Variants in ZNF431 observed in about 807,000 individuals in gnomAD.
ZNF431 encodes the protein zinc finger protein 431.
Under a neutral mutation model 57.0 loss-of-function variants are expected in ZNF431, and 34 were observed. The ratio of observed to expected loss-of-function variants is 0.60; its 90% CI spans 0.45 to 0.79. The LOEUF (loss-of-function observed/expected upper bound fraction) is 0.79. ZNF431 is among the 30% of genes least tolerant of loss of function. ZNF431 has a pLI of 0.00. For synonymous variants in ZNF431, 207 were observed against 220.3 expected, an observed-to-expected ratio of 0.94 and a Z score of 0.54; for missense variants, 607 against 667.1, an observed-to-expected ratio of 0.91 and a Z score of 0.99.
chr19:21,168,991 A>G (rs1449442011), intron 4 of ZNF431, among the ~76,000 whole-genome samples: 1 of 152,062 alleles, frequency 6.6e-6, no homozygotes, highest in African/African-American at 2.4e-5. Flanking sequence ...AGCTCACTGC[A>G]ACCTCTGCAT....
chr19:21,159,120 A>G (rs1391235729), intron 2 of ZNF431, among the ~76,000 whole-genome samples: 1 of 152,094 alleles, frequency 6.6e-6, no homozygotes, highest in Non-Finnish European at 1.5e-5. Flanking sequence ...AATAATATTC[A>G]TTAATTGTTG....
At chr19:21,149,545 C>A in intron 2 of ZNF431, 1 of 207,836 alleles carries the variant, frequency 4.8e-6, no homozygotes, top group East Asian at 1.2e-4. Flanking sequence ...ACAGAAGATT[C>A]AGTAGTTGTA....
chr19:21,152,942 A>G (rs150666698), intron 2 of ZNF431, among the ~76,000 whole-genome samples: 93 of 152,354 alleles, frequency 6.1e-4, no homozygotes, highest in African/African-American at 2.2e-3. Context: ...CCGTAAAGTG[A>G]TAGCAAGTTA....
chr19:21,153,340 G>A (rs1472432271), intron 2 of ZNF431, among the ~76,000 whole-genome samples: 5 of 152,114 alleles, frequency 3.3e-5, no homozygotes, highest in African/African-American at 1.2e-4. Flanking sequence ...GGGTCTCAGC[G>A]TTATTTTTAC....
chr19:21,145,508 G>A (rs1464712350), intron 2 of ZNF431, among the ~76,000 whole-genome samples: 1 of 152,040 alleles, frequency 6.6e-6, no homozygotes, highest in African/African-American at 2.4e-5. Flanking sequence ...TAAAAGCCCA[G>A]CTAGTTTTTT....
chr19:21,143,446 G>C, intron 1 of ZNF431, 105 bp from the exon 2 acceptor site: 1 of 886,192 alleles, frequency 1.1e-6, no homozygotes, highest in Non-Finnish European at 1.8e-6. Flanking sequence ...TTTTTTTCTG[G>C]TCGTGGGTTT....
rs111238090 is a variant in ZNF431, at chr19:21,145,591, G to A, written c.96+1948G>A. On this transcript the variant is annotated intron_variant, in intron 2 of 4. Coordinates refer to ENST00000311048, the MANE Select transcript of ZNF431 (RefSeq NM_133473.4). ...TGGAAGAAGCCTTTCTGCTGACACA[G>A]CCCTGGAAAGCTGGGGACCCACAGG... Among the ~76,000 whole-genome samples the A allele has an allele frequency of 8.4e-3, 1,278 of 152,244 alleles. 22 individuals carry two copies. The highest frequency in any genetic ancestry group is 0.048 in the South Asian group (229 of 4,816).
At chr19:21,150,031 T>C (rs1970225396) in intron 2 of ZNF431, 1 of 593,806 alleles carries the variant, frequency 1.7e-6, no homozygotes, top group South Asian at 1.7e-5. Context: ...TGTTAATTCC[T>C]GCTCGAAGGA....
At chr19:21,176,699 A>AT (rs1326733303) in intron 4 of ZNF431, among the ~76,000 whole-genome samples, 1 of 151,578 alleles carries the variant, frequency 6.6e-6, no homozygotes, top group Non-Finnish European at 1.5e-5. Context: ...ATTTTATTTT[A>AT]TTTATTTATT....
intron 2 of ZNF431, among the ~76,000 whole-genome samples, chr19:21,151,911 A>G (rs1001642290): frequency 6.6e-6 from 1 of 152,302 alleles, no homozygotes; most frequent in African/African-American, 2.4e-5. Flanking sequence ...GAGAGGCTAG[A>G]AGTCTCGTCA....
In ZNF431 at chr19:21,187,291, A is replaced by AT. The variant is rs1218395401; in HGVS notation, c.*3258dup. The AT allele has an allele frequency of 6.6e-6, 1 of 152,046 alleles. No homozygotes were observed. Among genetic ancestry groups the AT allele is most frequent in the African/African-American group, 2.4e-5 (1 of 41,378 alleles). 9.4% of individuals were successfully genotyped at this position (152,046 alleles called of 1,614,324 possible). A position where few individuals can be genotyped will look rare whatever the true frequency, so the allele number is the denominator to read the frequency against. ...CCCAGTCTCTACTAAAACTACAAAA[A>AT]TAGCCAGGCATGGTGGTGGGTGCCT... On this transcript the variant is annotated 3_prime_UTR_variant, in exon 5 of 5. Coordinates refer to ENST00000311048, the MANE Select transcript of ZNF431 (RefSeq NM_133473.4).
rs960948555 is a variant in ZNF431, at chr19:21,188,097, A to G, written c.*4063A>G. On this transcript the variant is annotated 3_prime_UTR_variant, in exon 5 of 5. Transcript: ENST00000311048. The stretch of plus-strand genomic sequence containing the variant: ...AACATGGTGAAACCCTGTGTCTACT[A>G]AAAATACAAATTTAGCCACGCGTGG... 1 of 151,990 alleles carries G rather than the reference A, an allele frequency of 6.6e-6. No homozygotes were observed. Among genetic ancestry groups the G allele is most frequent in the Non-Finnish European group, 1.5e-5 (1 of 68,046 alleles). 9.4% of individuals were successfully genotyped at this position (151,990 alleles called of 1,614,324 possible).
At chr19:21,154,055 T>G (rs1162405262) in intron 2 of ZNF431, among the ~76,000 whole-genome samples, 1 of 152,152 alleles carries the variant, frequency 6.6e-6, no homozygotes, top group Non-Finnish European at 1.5e-5. Context: ...TTAAGTTTTA[T>G]GGTACATGTG....
rs1404493090 is a variant in ZNF431 at position 21,194,935 on chromosome 19, A to T, written c.*10901A>T. ...TATGCAAGGGTGAGAAAGCAGAGTTATCAGGGAGGTGGGACTATTGCTTTA... is the reference window on the plus strand; with the variant it reads ...TATGCAAGGGTGAGAAAGCAGAGTTTTCAGGGAGGTGGGACTATTGCTTTA... On this transcript the variant is annotated 3_prime_UTR_variant, in exon 5 of 5. Transcript: ENST00000311048. The T allele has an allele frequency of 6.6e-6, 1 of 152,242 alleles. No individual in the cohort carries two copies. The highest frequency in any genetic ancestry group is 2.4e-5 in the African/African-American group (1 of 41,456). The allele number at this position is 152,242 out of a possible 1,614,324, so 9.4% of individuals were successfully genotyped here. A position where few individuals can be genotyped will look rare whatever the true frequency, so the allele number is the denominator to read the frequency against.
intron 2 of ZNF431, chr19:21,162,633 A>G (rs1970608043): frequency 1.3e-6 from 1 of 756,774 alleles, no homozygotes; most frequent in African/African-American, 1.9e-5. Flanking sequence ...GCCCTTATTT[A>G]GGTCTGGCCC....
chr19:21,153,718 A>G (rs973030330), intron 2 of ZNF431, among the ~76,000 whole-genome samples: 36 of 151,716 alleles, frequency 2.4e-4, no homozygotes, highest in Non-Finnish European at 5.2e-4. Flanking sequence ...GGGAGTCCCC[A>G]TTTTTTTTCT....
chr19:21,184,174 A>T lies in ZNF431; in HGVS notation c.*140A>T. ...AGACCATCCTGGCCAACATGGTGAAACCCTGTCTCTACTAAAAATACAAAA... is the reference window on the plus strand; with the variant it reads ...AGACCATCCTGGCCAACATGGTGAATCCCTGTCTCTACTAAAAATACAAAA... On this transcript the variant is annotated 3_prime_UTR_variant, in exon 5 of 5. Coordinates refer to ENST00000311048, the MANE Select transcript of ZNF431 (RefSeq NM_133473.4). 1.4e-6 allele frequency: 1 copy of T among 690,174 alleles called. No individual in the cohort carries two copies. Among genetic ancestry groups the T allele is most frequent in the Non-Finnish European group, 2.3e-6 (1 of 428,386 alleles). The allele number at this position is 690,174 out of a possible 1,614,324, so 42.8% of individuals were successfully genotyped here.
At chr19:21,157,592 T>C (rs1970452254) in intron 2 of ZNF431, among the ~76,000 whole-genome samples, 3 of 151,718 alleles carry the variant, frequency 2.0e-5, no homozygotes, top group African/African-American at 7.3e-5. Context: ...AGTGTAGTGG[T>C]GGGACCTTGG....
intron 4 of ZNF431, among the ~76,000 whole-genome samples, chr19:21,172,439 A>AAAAG: frequency 6.6e-6 from 1 of 151,884 alleles, no homozygotes; most frequent in South Asian, 2.1e-4. Flanking sequence ...AAAAAAAAAA[A>AAAAG]AAAGAAAGAA....
Sources: allele counts gnomAD v4.1 joint callset (sites outside exome capture counted in the v4.1 genomes callset), GRCh38; gene constraint gnomAD v4.1.1; transcripts MANE v1.5; gene names NCBI Gene and HGNC (gene_info 2026-07-23, HGNC 2026-07-21).